The following NALF2 variants were observed in gnomAD, a reference collection of about 807,000 sequenced individuals.
NALF2 encodes the protein NALCN channel auxiliary factor 2.
Under a neutral mutation model 24.8 loss-of-function variants are expected in NALF2, and 1 was observed. That is an observed-to-expected ratio of 0.04 (90% confidence interval 0.01 to 0.19). NALF2 has a LOEUF of 0.19. NALF2 is among the 10% of genes least tolerant of loss of function. NALF2 has a pLI of 1.00. For synonymous variants in NALF2, 254 were observed against 189.8 expected (o/e 1.34, Z -2.78); for missense variants, 458 against 409.6 (o/e 1.12, Z -1.02).
chrX:69,506,538 G>A (rs1245223414), intron 1 of NALF2, among the ~76,000 whole-genome samples: 1 of 113,276 alleles, frequency 8.8e-6, no homozygotes, highest in African/African-American at 3.2e-5. Context: ...CCTGGGACTG[G>A]CTGGTGCAGG....
intron 1 of NALF2, among the ~76,000 whole-genome samples, chrX:69,507,183 G>A (rs1930502521): frequency 9.0e-6 from 1 of 111,719 alleles, no homozygotes; most frequent in East Asian, 2.8e-4. Context: ...CCAAGAGCTG[G>A]AGAGTGAGAC....
intron 1 of NALF2, among the ~76,000 whole-genome samples, chrX:69,528,070 A>G (rs1181324831): frequency 9.1e-6 from 1 of 109,984 alleles, no homozygotes; most frequent in Non-Finnish European, 1.9e-5. Flanking sequence ...GAGGCCAGAG[A>G]TGTTGTGCAG....
chrX:69,511,839 C>T (rs1602192709), intron 1 of NALF2, among the ~76,000 whole-genome samples: 1 of 112,079 alleles, frequency 8.9e-6, no homozygotes, highest in African/African-American at 3.2e-5. Flanking sequence ...TGCTTCTAAG[C>T]CATGCGGATG....
chrX:69,505,906 G>C lies in NALF2; in HGVS notation c.624G>C (p.Leu208=). 1 of 1,211,658 alleles carries C rather than the reference G, an allele frequency of 8.3e-7. No homozygotes were observed. The change falls in exon 1 of 3, where the codon CTG becomes CTC. Residue 208 remains leucine, a synonymous_variant. Coordinates refer to ENST00000252338, the MANE Select transcript of NALF2 (RefSeq NM_015686.3). The part of the protein sequence containing the change: ...FCDTYTVWDL[L]LGMDRPDSLD... ...ACACCTACACGGTCTGGGACTTGCT[G>C]CTGGGCATGGACCGCCCCGACAGCC...
intron 1 of NALF2, 70 bp downstream of exon 1, chrX:69,506,213 A>G (rs1930484680): frequency 9.1e-7 from 1 of 1,098,546 alleles, no homozygotes; most frequent in Non-Finnish European, 1.2e-6. Context: ...GGACCGGGAG[A>G]AAAAAGGAAG....
In NALF2 at chrX:69,506,096, T is replaced by A; in HGVS notation, c.814T>A (p.Leu272Ile). The stretch of plus-strand genomic sequence containing the variant: ...GTTCGACCTCGTGCTGCATAAATAC[T>A]TACAGGCGGAAGAGTACTCAATCCG... ...DEFDLVLHKYLQAEEYSIRSC... is the reference protein window; with the variant it reads ...DEFDLVLHKYIQAEEYSIRSC... Residue 272 changes from leucine to isoleucine, a missense_variant, in exon 1 of 3, where the codon TTA becomes ATA. Leu to Ile is a conservative substitution (Grantham distance 5). Coordinates refer to ENST00000252338, the MANE Select transcript of NALF2 (RefSeq NM_015686.3). 8.3e-6 allele frequency: 10 copies of A among 1,208,945 alleles called. No individual in the cohort carries two copies. Among genetic ancestry groups the A allele is most frequent in the East Asian group, 3.0e-5 (1 of 33,759 alleles).
At chrX:69,529,365 A>G in intron 2 of NALF2, among the ~76,000 whole-genome samples, 1 of 111,348 alleles carries the variant, frequency 9.0e-6, no homozygotes, top group Non-Finnish European at 1.9e-5. Flanking sequence ...TTCTCTGCCC[A>G]AAACATGTCC....
intron 1 of NALF2, among the ~76,000 whole-genome samples, chrX:69,515,593 T>C (rs1245633964): frequency 1.8e-5 from 2 of 112,708 alleles, no homozygotes; most frequent in Non-Finnish European, 3.7e-5. Flanking sequence ...ACATTGGCTT[T>C]TCATTTTCAT....
intron 1 of NALF2, among the ~76,000 whole-genome samples, chrX:69,527,802 G>A (rs12116358): frequency 0.48 from 52,880 of 109,531 alleles, 10,020 homozygotes; most frequent in Admixed American, 0.65. Context: ...GACTTGGCAG[G>A]TCGGGGGTGG....
chrX:69,526,725 G>T (rs906424732), intron 1 of NALF2, among the ~76,000 whole-genome samples: 3 of 110,887 alleles, frequency 2.7e-5, no homozygotes, highest in Non-Finnish European at 5.7e-5. Context: ...TTTAAACTGA[G>T]ACCTGAAAAG....
chrX:69,529,608 G>A lies in NALF2; in HGVS notation c.1071G>A (p.Lys357=). 1 of 1,210,574 alleles carries A rather than the reference G, an allele frequency of 8.3e-7. No individual in the cohort carries two copies. The highest frequency in any genetic ancestry group is 1.8e-5 in the South Asian group (1 of 56,649). ...LDTSPKRLET[K]CCDVQWVSCE... ...CTTCACCAAAGCGTCTGGAAACCAA[G>A]TGCTGTGACGTGCAGTGGGTCTCCT... is the stretch of plus-strand genomic sequence containing the variant. Residue 357 remains lysine (K), a synonymous_variant, in exon 3 of 3, where the codon AAG becomes AAA. Transcript: ENST00000252338.
At position 69,529,288 on chromosome X, in the gene NALF2, G is replaced by A. The variant is rs761846614; in HGVS notation, c.1033+124G>A. ...GTGAGAAGAAGGCCAGTGGCTGGAC[G>A]AATGGGCAGTGACGTCCCCAGGTTG... On this transcript the variant is annotated intron_variant, in intron 2 of 2. Coordinates refer to ENST00000252338, the MANE Select transcript of NALF2 (RefSeq NM_015686.3). 46 of 836,237 alleles carry A rather than the reference G, an allele frequency of 5.5e-5. No homozygotes were observed. The Middle Eastern group carries it at 1.3e-3, about 24-fold the overall frequency. The allele number at this position is 836,237 out of a possible 1,213,427, so 68.9% of individuals were successfully genotyped here.
At chrX:69,525,596 G>A (rs766919783) in intron 1 of NALF2, among the ~76,000 whole-genome samples, 10 of 108,023 alleles carry the variant, frequency 9.3e-5, no homozygotes, top group East Asian at 2.9e-4. Context: ...ATTCACCCCC[G>A]CTTGTTCTTA....
At chrX:69,522,928 C>G (rs1447685730) in intron 1 of NALF2, among the ~76,000 whole-genome samples, 1 of 112,603 alleles carries the variant, frequency 8.9e-6, no homozygotes, top group Non-Finnish European at 1.9e-5. Context: ...CTTGGCTAAG[C>G]CAACCCTCTT....
chrX:69,506,401 C>T (rs1456562564), intron 1 of NALF2, among the ~76,000 whole-genome samples: 2 of 112,649 alleles, frequency 1.8e-5, no homozygotes, highest in Non-Finnish European at 3.8e-5. Flanking sequence ...CGCCCTGCTC[C>T]CTCATGAGTG....
chrX:69,515,701 G>A (rs142612691), intron 1 of NALF2, among the ~76,000 whole-genome samples: 89 of 112,003 alleles, frequency 7.9e-4, no homozygotes, highest in African/African-American at 2.8e-3. Flanking sequence ...TTACTGACTC[G>A]TACATGCTTT....
rs1484719567 is a variant in NALF2, at chrX:69,529,128, A to C, written c.997A>C (p.Met333Leu). 1 of 1,210,703 alleles carries C rather than the reference A, an allele frequency of 8.3e-7. No individual in the cohort carries two copies. The highest frequency in any genetic ancestry group is 3.0e-5 in the East Asian group (1 of 33,774). The change falls in exon 2 of 3, where the codon ATG becomes CTG. Residue 333 changes from methionine to leucine, a missense_variant. Physicochemically the swap from Met to Leu is conservative, Grantham distance 15. Transcript: ENST00000252338. ...CPFILPDNEE[M>L]VYGGLPGFIC... ...CTTTATACTCCCCGACAATGAGGAA[A>C]TGGTGTACGGAGGGCTCCCTGGCTT...
At chrX:69,506,402 C>T (rs956331221) in intron 1 of NALF2, among the ~76,000 whole-genome samples, 14 of 112,690 alleles carry the variant, frequency 1.2e-4, no homozygotes, top group Non-Finnish European at 2.3e-4. Flanking sequence ...GCCCTGCTCC[C>T]TCATGAGTGG....
chrX:69,513,558 G>A (rs1274994733), intron 1 of NALF2, among the ~76,000 whole-genome samples: 2 of 112,268 alleles, frequency 1.8e-5, no homozygotes, highest in Non-Finnish European at 3.8e-5. Flanking sequence ...TGTGAAAGGT[G>A]AGCTTGTCTG....
Sources: gnomAD v4.1 joint callset for allele counts (sites outside exome capture counted in the v4.1 genomes callset) on GRCh38, gnomAD v4.1.1 for gene constraint, MANE v1.5 for transcripts, NCBI Gene and HGNC (gene_info 2026-07-23, HGNC 2026-07-21) for gene names.